EXOC2: variants seen among roughly 807,000 people sequenced by gnomAD.
EXOC2 encodes the protein SEC5-like 1.
Under a neutral mutation model 131.8 loss-of-function variants are expected in EXOC2, and 70 were observed. That is an observed-to-expected ratio of 0.53 (90% CI 0.44 to 0.65). The LOEUF (loss-of-function observed/expected upper bound fraction) is 0.65, where lower values mean the gene tolerates loss of function less well. Among genes scored for constraint, EXOC2 ranks in the 30% least tolerant of loss-of-function variants. EXOC2 has a pLI of 0.00. For synonymous variants in EXOC2, 411 were observed against 398.4 expected (o/e 1.03, Z -0.38); for missense variants, 923 against 1,108.6 (o/e 0.83, Z 2.38).
At chr6:643,137 G>A (rs546449133) in intron 1 of EXOC2, among the ~76,000 whole-genome samples, 3 of 152,252 alleles carry the variant, frequency 2.0e-5, no homozygotes, top group East Asian at 1.9e-4. Context: ...CTGATTGATA[G>A]GGAGAGATAA....
chr6:616,305 T>C lies in EXOC2; in HGVS notation c.661+1406A>G, dbSNP rs1760995770. Among the ~76,000 whole-genome samples, 7 of 152,162 alleles carry C rather than the reference T, an allele frequency of 4.6e-5. No individual in the cohort carries two copies. The South Asian group carries it at 1.5e-3, about 32-fold the overall frequency. On this transcript the variant is annotated intron_variant, in intron 6 of 27. Transcript: ENST00000230449. Reference sequence around the variant, plus strand: ...CTCTTAGACATTCACATTTTACCCCTTCAAAAACCTAACTTCTGCCGGGCG... The same window carrying C: ...CTCTTAGACATTCACATTTTACCCCCTCAAAAACCTAACTTCTGCCGGGCG...
chr6:544,863 T>A (rs1183994616), intron 22 of EXOC2, among the ~76,000 whole-genome samples: 1 of 152,136 alleles, frequency 6.6e-6, no homozygotes, highest in African/African-American at 2.4e-5. Flanking sequence ...AAATAAAACT[T>A]CAGGCCGGGC....
Position 610,055 on chromosome 6 carries a change from T to C in EXOC2, c.742+43A>G, listed in dbSNP as rs770479615. The C allele has an allele frequency of 9.6e-6, 15 of 1,564,272 alleles. 1 individual carries two copies. The South Asian group carries it at 1.5e-4, about 16-fold the overall frequency. On this transcript the variant is annotated intron_variant, in intron 7 of 27. Transcript: ENST00000230449. ...TCCAAGAACTAATTTTAAAGCATGT[T>C]GTAAAATCCATAAATAGTTCTGGGT...
intron 23 of EXOC2, among the ~76,000 whole-genome samples, chr6:509,511 G>C (rs1272257634): frequency 1.3e-5 from 2 of 152,058 alleles, no homozygotes; most frequent in Non-Finnish European, 2.9e-5. Flanking sequence ...AGCTATGATA[G>C]TCTATTTTAA....
intron 24 of EXOC2, 101 bp downstream of exon 24, chr6:499,544 A>G (rs926868470): frequency 1.0e-5 from 10 of 976,480 alleles, no homozygotes; most frequent in Non-Finnish European, 1.6e-5. Context: ...ACACATTCTG[A>G]GGGAAAAAAA....
At chr6:581,312 A>G (rs1758889725) in intron 11 of EXOC2, among the ~76,000 whole-genome samples, 1 of 151,978 alleles carries the variant, frequency 6.6e-6, no homozygotes, top group African/African-American at 2.4e-5. Context: ...AAAAAAAAAA[A>G]GTAACAGTGA....
At chr6:628,080 C>T (rs1189835684) in intron 4 of EXOC2, among the ~76,000 whole-genome samples, 1 of 152,214 alleles carries the variant, frequency 6.6e-6, no homozygotes, top group East Asian at 1.9e-4. Context: ...TTGTGAGGCA[C>T]TTGCTATGCT....
intron 22 of EXOC2, among the ~76,000 whole-genome samples, chr6:535,057 C>G (rs1766357940): frequency 6.6e-6 from 1 of 152,102 alleles, no homozygotes; most frequent in African/African-American, 2.4e-5. Flanking sequence ...TAAATCACTG[C>G]TCTAATTTTC....
intron 4 of EXOC2, among the ~76,000 whole-genome samples, chr6:620,381 G>C (rs1008025659): frequency 6.6e-6 from 1 of 152,080 alleles, no homozygotes; most frequent in Non-Finnish European, 1.5e-5. Flanking sequence ...CTGACGCTTC[G>C]GCAGCCTCAA....
At chr6:618,542 C>T (rs1258604273) in intron 5 of EXOC2, among the ~76,000 whole-genome samples, 4 of 152,208 alleles carry the variant, frequency 2.6e-5, no homozygotes, top group African/African-American at 9.6e-5. Context: ...AGAAATTCTA[C>T]ATCTGTAATG....
At chr6:557,574 C>T (rs557080950) in intron 17 of EXOC2, among the ~76,000 whole-genome samples, 49 of 144,154 alleles carry the variant, frequency 3.4e-4, no homozygotes, top group Non-Finnish European at 5.9e-4. Flanking sequence ...GCCAAGATTG[C>T]GCCACTGCAC....
At chr6:613,619 A>G (rs1415392854) in intron 6 of EXOC2, among the ~76,000 whole-genome samples, 2 of 152,108 alleles carry the variant, frequency 1.3e-5, no homozygotes, top group African/African-American at 4.8e-5. Flanking sequence ...TCTTAACCAC[A>G]CAGCTCGTTT....
intron 23 of EXOC2, among the ~76,000 whole-genome samples, chr6:531,062 T>C (rs1278615573): frequency 6.6e-6 from 1 of 152,208 alleles, no homozygotes; most frequent in Non-Finnish European, 1.5e-5. Flanking sequence ...GTGGGGATGC[T>C]ACCTTGTCTG....
At chr6:516,183 G>A (rs1432995518) in intron 23 of EXOC2, among the ~76,000 whole-genome samples, 1 of 152,156 alleles carries the variant, frequency 6.6e-6, no homozygotes, top group Non-Finnish European at 1.5e-5. Flanking sequence ...TCACCTTACC[G>A]CAGAGGGCAA....
At chr6:687,171 C>CTTTTTTTTTT (rs762736216) in intron 1 of EXOC2, among the ~76,000 whole-genome samples, 6,334 of 78,352 alleles carry the variant, frequency 0.081, 1,849 homozygotes, top group Non-Finnish European at 0.096. Context: ...AAATAATATT[C>CTTTTTTTTTT]TTTTTTTTTT....
At chr6:674,365 T>A (rs1764014244) in intron 1 of EXOC2, among the ~76,000 whole-genome samples, 2 of 152,176 alleles carry the variant, frequency 1.3e-5, no homozygotes, top group South Asian at 4.1e-4. Context: ...ATTTACTCTT[T>A]CAGCTAGCTA....
At chr6:644,565 A>C (rs183234299) in intron 1 of EXOC2, among the ~76,000 whole-genome samples, 29 of 152,260 alleles carry the variant, frequency 1.9e-4, no homozygotes, top group African/African-American at 6.7e-4. Context: ...GTAAACATCT[A>C]TTTGCAGATG....
At chr6:613,537 T>C (rs926113910) in intron 6 of EXOC2, among the ~76,000 whole-genome samples, 2 of 152,250 alleles carry the variant, frequency 1.3e-5, no homozygotes, top group African/African-American at 2.4e-5. Context: ...AACACAAGGA[T>C]GGCACAGACC....
Position 486,422 on chromosome 6 carries a change from T to C in EXOC2, c.*249A>G, listed in dbSNP as rs781355075. On this transcript the variant is annotated 3_prime_UTR_variant, in exon 28 of 28. Transcript: ENST00000230449. Reference sequence around the variant, plus strand: ...CAACCTTCTGCTGAGATGCAAAATATATTTTAAAATGTATTTTAAAGTCAT... The same window carrying C: ...CAACCTTCTGCTGAGATGCAAAATACATTTTAAAATGTATTTTAAAGTCAT... 2 of 384,762 alleles carry C rather than the reference T, an allele frequency of 5.2e-6. No homozygotes were observed. Among genetic ancestry groups the C allele is most frequent in the Non-Finnish European group, 9.3e-6 (2 of 215,510 alleles). The allele number at this position is 384,762 out of a possible 1,614,324, so 23.8% of individuals were successfully genotyped here.
Sources: allele counts gnomAD v4.1 joint callset (sites outside exome capture counted in the v4.1 genomes callset), GRCh38; gene constraint gnomAD v4.1.1; transcripts MANE v1.5; gene names NCBI Gene and HGNC (gene_info 2026-07-23, HGNC 2026-07-21).